Variants in PRKG1 observed in about 807,000 individuals in gnomAD.
PRKG1 encodes protein kinase cGMP-dependent 1.
PRKG1 carries 35 observed loss-of-function variants against 88.1 expected under a neutral mutation model. The ratio of observed to expected loss-of-function variants is 0.40; its 90% CI spans 0.30 to 0.53. The LOEUF (loss-of-function observed/expected upper bound fraction) is 0.53, where lower values mean the gene tolerates loss of function less well. Ranked by LOEUF, PRKG1 falls within the 20% of genes least tolerant of loss-of-function variation. PRKG1 has a pLI of 0.59. For missense variants in PRKG1, 540 were observed against 839.8 expected, an observed-to-expected ratio of 0.64 and a Z score of 4.41; for synonymous variants, 303 against 292.5, an observed-to-expected ratio of 1.04 and a Z score of -0.37.
At chr10:51,161,333 T>C (rs1224602443) in intron 2 of PRKG1, among the ~76,000 whole-genome samples, 1 of 152,208 alleles carries the variant, frequency 6.6e-6, no homozygotes, top group Non-Finnish European at 1.5e-5. Context: ...TGTTTTACTC[T>C]AAAACATCAT....
chr10:52,287,922 A>G (rs181554085), intron 14 of PRKG1, among the ~76,000 whole-genome samples: 37 of 152,222 alleles, frequency 2.4e-4, no homozygotes, highest in Non-Finnish European at 2.8e-4. Flanking sequence ...CTCTGGGAAT[A>G]CCAGCAGAAA....
At chr10:51,334,667 T>C (rs1841828410) in intron 2 of PRKG1, among the ~76,000 whole-genome samples, 2 of 152,306 alleles carry the variant, frequency 1.3e-5, no homozygotes, top group Non-Finnish European at 2.9e-5. Flanking sequence ...AACTTTTATC[T>C]AGCTAAATTG....
intron 4 of PRKG1, among the ~76,000 whole-genome samples, chr10:51,834,674 AAGAC>A (rs778138363): frequency 4.7e-4 from 68 of 145,334 alleles, no homozygotes; most frequent in Non-Finnish European, 8.2e-4. Context: ...GAAAGAAAGA[AAGAC>A]AGAAAGAAAG....
intron 3 of PRKG1, among the ~76,000 whole-genome samples, chr10:51,618,702 A>G (rs1839128681): frequency 6.6e-6 from 1 of 152,158 alleles, no homozygotes; most frequent in South Asian, 2.1e-4. Flanking sequence ...GTTTTAAGTA[A>G]GGAAGTAGCA....
chr10:51,309,534 C>T (rs1014451002), intron 2 of PRKG1, among the ~76,000 whole-genome samples: 2 of 152,056 alleles, frequency 1.3e-5, no homozygotes, highest in South Asian at 2.1e-4. Context: ...AAATTAAAAC[C>T]ACAATGAGTT....
intron 1 of PRKG1, among the ~76,000 whole-genome samples, chr10:51,104,229 A>G (rs1024269785): frequency 6.6e-6 from 1 of 152,180 alleles, no homozygotes; most frequent in Non-Finnish European, 1.5e-5. Context: ...AGAAAAAAAA[A>G]TCATCCCCCA....
chr10:51,176,505 G>T (rs1002732699), intron 2 of PRKG1, among the ~76,000 whole-genome samples: 2 of 152,122 alleles, frequency 1.3e-5, no homozygotes, highest in East Asian at 3.9e-4. Context: ...AATGTACCTA[G>T]TACTGTGTGG....
intron 2 of PRKG1, among the ~76,000 whole-genome samples, chr10:51,460,746 A>G (rs1271767638): frequency 6.6e-6 from 1 of 152,176 alleles, no homozygotes; most frequent in Non-Finnish European, 1.5e-5. Context: ...TAAATGGTTG[A>G]CCCATCTACA....
intron 7 of PRKG1, among the ~76,000 whole-genome samples, chr10:52,098,005 T>A (rs1847212265): frequency 6.6e-6 from 1 of 152,104 alleles, no homozygotes; most frequent in Non-Finnish European, 1.5e-5. Flanking sequence ...ACATTTATCA[T>A]ATAGAATGTG....
At chr10:51,353,605 C>T (rs949927622) in intron 2 of PRKG1, among the ~76,000 whole-genome samples, 2 of 152,160 alleles carry the variant, frequency 1.3e-5, no homozygotes, top group South Asian at 2.1e-4. Context: ...GATATCATCT[C>T]ACCTCAGTTA....
chr10:51,378,413 G>A lies in PRKG1; in HGVS notation c.479-89310G>A, dbSNP rs7085001. 2.4e-3 allele frequency among the ~76,000 whole-genome samples: 370 copies of A among 152,242 alleles called. 2 individuals are homozygous for A. The highest frequency in any genetic ancestry group is 8.3e-3 in the African/African-American group (346 of 41,530). The stretch of plus-strand genomic sequence containing the variant: ...TGTGCAGTTTTCCATAGCACTAGCC[G>A]ACCATTTAGTAGTACAAGGGATCTG... On this transcript the variant is annotated intron_variant, in intron 2 of 17. Transcript: ENST00000373980.
chr10:51,070,508 A>T (rs964485247), upstream of PRKG1, among the ~76,000 whole-genome samples: 13 of 152,326 alleles, frequency 8.5e-5, no homozygotes, highest in East Asian at 1.9e-3. Context: ...TATACACATG[A>T]AATGACAGAA....
At chr10:51,088,454 A>G (rs1844311025) in intron 1 of PRKG1, among the ~76,000 whole-genome samples, 1 of 148,862 alleles carries the variant, frequency 6.7e-6, no homozygotes, top group Non-Finnish European at 1.5e-5. Flanking sequence ...AATATAGGGT[A>G]AGACTATAGT....
intron 5 of PRKG1, among the ~76,000 whole-genome samples, chr10:51,936,139 A>G (rs1842795748): frequency 6.6e-6 from 1 of 151,890 alleles, no homozygotes; most frequent in Admixed American, 6.6e-5. Flanking sequence ...CAGCCTTGTC[A>G]GAATCTCACA....
chr10:51,188,608 C>G (rs1837554604), intron 2 of PRKG1, among the ~76,000 whole-genome samples: 2 of 151,904 alleles, frequency 1.3e-5, no homozygotes, highest in Non-Finnish European at 2.9e-5. Flanking sequence ...CAACTCGAGA[C>G]ACAGTCACAT....
chr10:51,661,962 CA>C (rs1272147280), intron 3 of PRKG1, among the ~76,000 whole-genome samples: 1 of 152,054 alleles, frequency 6.6e-6, no homozygotes, highest in Non-Finnish European at 1.5e-5. Context: ...TCATTCTGAG[CA>C]AACTATTGCA....
At chr10:51,102,855 G>C (rs925470954) in intron 1 of PRKG1, among the ~76,000 whole-genome samples, 1 of 152,016 alleles carries the variant, frequency 6.6e-6, no homozygotes, top group Non-Finnish European at 1.5e-5. Flanking sequence ...CACACACACA[G>C]AGACAGAAAA....
At chr10:52,273,197 T>C (rs1477257655) in intron 12 of PRKG1, among the ~76,000 whole-genome samples, 2 of 152,070 alleles carry the variant, frequency 1.3e-5, no homozygotes, top group African/African-American at 4.8e-5. Context: ...TCTTCTAATA[T>C]AATTTATCCT....
chr10:51,889,841 C>T (rs1426396243), intron 4 of PRKG1, among the ~76,000 whole-genome samples: 1 of 152,170 alleles, frequency 6.6e-6, no homozygotes, highest in Middle Eastern at 3.2e-3. Flanking sequence ...TGTCTGTTGG[C>T]TGCATAAATG....
Sources: allele counts gnomAD v4.1 joint callset (sites outside exome capture counted in the v4.1 genomes callset), GRCh38; gene constraint gnomAD v4.1.1; transcripts MANE v1.5; gene names NCBI Gene and HGNC (gene_info 2026-07-23, HGNC 2026-07-21).